Variants in GTF2IRD2B observed in about 807,000 individuals in gnomAD.
GTF2IRD2B encodes the protein general transcription factor II-I repeat domain-containing protein 2B.
A neutral mutation model predicts 55.6 loss-of-function variants in GTF2IRD2B; 10 were observed. That is an observed-to-expected ratio of 0.18 (90% CI 0.11 to 0.31). The LOEUF (loss-of-function observed/expected upper bound fraction) is 0.31. Ranked by LOEUF, GTF2IRD2B falls within the 10% of genes least tolerant of loss-of-function variation. GTF2IRD2B has a pLI of 1.00. For synonymous variants in GTF2IRD2B, 107 were observed against 320.5 expected (o/e 0.33, Z 7.12); for missense variants, 206 against 802.7 (o/e 0.26, Z 8.98).
rs1169564554 is a variant in GTF2IRD2B, at chr7:75,110,634, AAAT to A, written c.99+1574_99+1576del. 7.5e-3 allele frequency among the ~76,000 whole-genome samples: 374 copies of A among 49,612 alleles called. 8 individuals are homozygous for A. The highest frequency in any genetic ancestry group is 0.037 in the Middle Eastern group (3 of 80). 32.5% of individuals were successfully genotyped at this position (49,612 alleles called of 152,430 possible). The stretch of plus-strand genomic sequence containing the variant: ...ACCCTGACTCTTAAAAAAAAAAAAA[AAAT>A]AAGTTGGAATTAATTTTAGAAGAAA... On this transcript the variant is annotated intron_variant, in intron 2 of 15. Coordinates refer to ENST00000472837, the MANE Select transcript of GTF2IRD2B (RefSeq NM_001003795.3).
intron 3 of GTF2IRD2B, among the ~76,000 whole-genome samples, chr7:75,118,027 G>A (rs1405773080): frequency 1.3e-4 from 19 of 143,716 alleles, no homozygotes; most frequent in Admixed American, 1.1e-3. Flanking sequence ...AGGTTGCAGT[G>A]AGCCAAGATC....
chr7:75,130,096 T>C (rs1298141752), intron 8 of GTF2IRD2B, among the ~76,000 whole-genome samples: 1 of 63,048 alleles, frequency 1.6e-5, no homozygotes, highest in Non-Finnish European at 3.5e-5. Flanking sequence ...ATTTTCTCTT[T>C]CTTTCTTTCT....
At chr7:75,124,341 C>T (rs1389163611) in intron 6 of GTF2IRD2B, among the ~76,000 whole-genome samples, 3 of 152,292 alleles carry the variant, frequency 2.0e-5, no homozygotes, top group African/African-American at 4.8e-5. Context: ...GCACTCCAGC[C>T]TGGGTGACAA....
chr7:75,149,539 C>T lies in GTF2IRD2B; in HGVS notation c.*242C>T. ...GGGACTACAGGCATGCGCCACCATG[C>T]CCGGCTAATTTTTGTATTAGTAGAG... On this transcript the variant is annotated 3_prime_UTR_variant, in exon 16 of 16. Coordinates refer to ENST00000472837, the MANE Select transcript of GTF2IRD2B (RefSeq NM_001003795.3). 2.0e-6 allele frequency: 1 copy of T among 500,230 alleles called. No homozygotes were observed. Among genetic ancestry groups the T allele is most frequent in the Non-Finnish European group, 3.6e-6 (1 of 275,676 alleles). 31.0% of individuals were successfully genotyped at this position (500,230 alleles called of 1,614,324 possible).
intron 1 of GTF2IRD2B, among the ~76,000 whole-genome samples, chr7:75,101,368 G>C (rs1269346522): frequency 1.3e-5 from 2 of 151,194 alleles, no homozygotes; most frequent in Non-Finnish European, 3.0e-5. Context: ...CCAGGAGTTT[G>C]AGACCAGCGT....
At chr7:75,132,548 C>CTTTTTTTTTT (rs1159887977) in intron 8 of GTF2IRD2B, among the ~76,000 whole-genome samples, 3 of 85,362 alleles carry the variant, frequency 3.5e-5, no homozygotes, top group African/African-American at 5.0e-5. Flanking sequence ...CTCCTTCCTT[C>CTTTTTTTTTT]TTTTTTTTTT....
intron 1 of GTF2IRD2B, among the ~76,000 whole-genome samples, chr7:75,101,409 T>C (rs1164186049): frequency 2.0e-5 from 3 of 150,190 alleles, no homozygotes; most frequent in African/African-American, 4.9e-5. Flanking sequence ...TCTACAAAAA[T>C]AGAAAATTAG....
chr7:75,114,162 C>T (rs1425507951), intron 3 of GTF2IRD2B, among the ~76,000 whole-genome samples: 2 of 150,262 alleles, frequency 1.3e-5, no homozygotes, highest in Non-Finnish European at 3.0e-5. Context: ...AAATTTACTT[C>T]CGAGATCCCA....
intron 4 of GTF2IRD2B, among the ~76,000 whole-genome samples, chr7:75,122,774 G>C (rs1808419917): frequency 6.8e-6 from 1 of 146,368 alleles, no homozygotes; most frequent in Admixed American, 6.9e-5. Flanking sequence ...ACTAGGCTGG[G>C]CTCAGTGGCT....
At chr7:75,130,480 A>T (rs1449965318) in intron 8 of GTF2IRD2B, among the ~76,000 whole-genome samples, 1 of 142,040 alleles carries the variant, frequency 7.0e-6, no homozygotes, top group Non-Finnish European at 1.5e-5. Flanking sequence ...CACCAGGCCA[A>T]TTTTTTTTTC....
At chr7:75,093,661 T>G (rs1807338773) in intron 1 of GTF2IRD2B, among the ~76,000 whole-genome samples, 1 of 152,230 alleles carries the variant, frequency 6.6e-6, no homozygotes, top group Non-Finnish European at 1.5e-5. Context: ...CCCAAGAAGT[T>G]TTTTGTGTGT....
chr7:75,093,674 G>A (rs1435520182), intron 1 of GTF2IRD2B, among the ~76,000 whole-genome samples: 2 of 152,154 alleles, frequency 1.3e-5, no homozygotes, highest in African/African-American at 2.4e-5. Flanking sequence ...TTGTGTGTCT[G>A]GCTTCTTTCC....
At chr7:75,147,531 G>A (rs1809184477) in intron 15 of GTF2IRD2B, among the ~76,000 whole-genome samples, 163 bp from the exon 16 acceptor site, 1 of 152,116 alleles carries the variant, frequency 6.6e-6, no homozygotes, top group Admixed American at 6.6e-5. Context: ...CTGGAGTTGA[G>A]GGTCAGCCGT....
chr7:75,114,062 A>G (rs1264995491), intron 3 of GTF2IRD2B, among the ~76,000 whole-genome samples: 3 of 150,216 alleles, frequency 2.0e-5, no homozygotes, highest in Admixed American at 6.7e-5. Flanking sequence ...AATTATATAT[A>G]TATATGTATA....
At chr7:75,127,533 T>C (rs1436560827) in intron 8 of GTF2IRD2B, among the ~76,000 whole-genome samples, 1 of 140,050 alleles carries the variant, frequency 7.1e-6, no homozygotes, top group African/African-American at 2.6e-5. Context: ...ATTCAGTACA[T>C]AATGGGGACT....
chr7:75,092,790 A>ACGC (rs1168106894), intron 1 of GTF2IRD2B, 25 bp downstream of exon 1: 10 of 153,786 alleles, frequency 6.5e-5, no homozygotes, highest in African/African-American at 2.4e-4. Context: ...CCCGCCGCCG[A>ACGC]CGCCGCCGAC....
At chr7:75,105,607 C>T (rs1230569048) in intron 1 of GTF2IRD2B, among the ~76,000 whole-genome samples, 121 of 152,372 alleles carry the variant, frequency 7.9e-4, no homozygotes, top group African/African-American at 2.6e-3. Context: ...AAATTTTTAA[C>T]GATAACAATT....
Position 75,112,665 on chromosome 7 carries a change from C to T in GTF2IRD2B, c.238+130C>T, listed in dbSNP as rs199954222. On this transcript the variant is annotated intron_variant, in intron 3 of 15. Transcript: ENST00000472837. Reference sequence around the variant, plus strand: ...CGATCCTAACACATCTTCTTGGATTCAGCTTACCAAATAAATACTGCCTAA... The same window carrying T: ...CGATCCTAACACATCTTCTTGGATTTAGCTTACCAAATAAATACTGCCTAA... The T allele has an allele frequency of 3.3e-4, 523 of 1,588,242 alleles. 18 individuals carry two copies. Among genetic ancestry groups the T allele is most frequent in the Middle Eastern group, 2.3e-4 (1 of 4,398 alleles).
intron 1 of GTF2IRD2B, among the ~76,000 whole-genome samples, chr7:75,105,268 C>T (rs2115699905): frequency 6.6e-6 from 1 of 152,380 alleles, no homozygotes; most frequent in South Asian, 2.1e-4. Flanking sequence ...CTTTAGGAGG[C>T]CGAGGCGGGC....
Sources: allele counts gnomAD v4.1 joint callset (sites outside exome capture counted in the v4.1 genomes callset), GRCh38; gene constraint gnomAD v4.1.1; transcripts MANE v1.5; gene names NCBI Gene and HGNC (gene_info 2026-07-23, HGNC 2026-07-21).